SHOX: variants seen among roughly 807,000 people sequenced by gnomAD.
SHOX encodes the protein SHOX homeobox, also known as short stature homeobox protein.
Under a neutral mutation model 29.6 loss-of-function variants are expected in SHOX, and 12 were observed. That is an observed-to-expected ratio of 0.41 (90% CI 0.26 to 0.66). The LOEUF is 0.66. SHOX is among the 30% of genes least tolerant of loss of function. The probability of loss-of-function intolerance (pLI) is 0.35; values close to 1 mark genes in which losing one functional copy is unlikely to be tolerated. For synonymous variants in SHOX, 214 were observed against 200.6 expected (o/e 1.07, Z -0.57); for missense variants, 499 against 437.7 (o/e 1.14, Z -1.25).
rs1181342780 is a variant in SHOX at position 651,178 on chromosome X, C to T, written c.*6542C>T. ...TATGTCGAGTGTAAATTTGACATCGCGTTGCATTTATTTTTATATTTCTGA... is the reference window on the plus strand; with the variant it reads ...TATGTCGAGTGTAAATTTGACATCGTGTTGCATTTATTTTTATATTTCTGA... On this transcript the variant is annotated 3_prime_UTR_variant, in exon 5 of 5. Coordinates refer to ENST00000686671, the MANE Select transcript of SHOX (RefSeq NM_000451.4). 13 of 413,032 alleles carry T rather than the reference C, an allele frequency of 3.1e-5. 1 individual carries two copies. The highest frequency in any genetic ancestry group is 4.4e-5 in the Non-Finnish European group (9 of 205,680). 25.6% of individuals were successfully genotyped at this position (413,032 alleles called of 1,614,324 possible).
Position 636,880 on chromosome X carries a change from T to C in SHOX, c.486+2054T>C, listed in dbSNP as rs2052768592. Among the ~76,000 whole-genome samples, 3 of 145,810 alleles carry C rather than the reference T, an allele frequency of 2.1e-5. No homozygotes were observed. The South Asian group carries it at 6.4e-4, about 31-fold the overall frequency. ...CATTCAAACACAACTTTTCCATCGA[T>C]GTTGCTTAGGAGATGAGGATACAGA... On this transcript the variant is annotated intron_variant, in intron 2 of 4. Transcript: ENST00000686671.
At position 647,158 on chromosome X, in the gene SHOX, C is replaced by T. The variant is rs943334963; in HGVS notation, c.*2522C>T. ...GTGGCACAATCTCGGCTCACCGCAA[C>T]CTCCGCCTCCCGGGTTCAAGCCATT... On this transcript the variant is annotated 3_prime_UTR_variant, in exon 5 of 5. Coordinates refer to ENST00000686671, the MANE Select transcript of SHOX (RefSeq NM_000451.4). Among the ~76,000 whole-genome samples the T allele has an allele frequency of 3.3e-5, 5 of 152,230 alleles. No homozygotes were observed. Among genetic ancestry groups the T allele is most frequent in the Non-Finnish European group, 7.3e-5 (5 of 68,044 alleles).
intron 2 of SHOX, 25 bp downstream of exon 2, chrX:634,851 G>A (rs1423466667): frequency 9.0e-6 from 14 of 1,546,972 alleles, no homozygotes; most frequent in Middle Eastern, 4.2e-4. Flanking sequence ...GCGGGGGCGG[G>A]GGGCCCGGAG....
At chrX:632,576 G>T (rs182018403) in intron 1 of SHOX, among the ~76,000 whole-genome samples, 273 of 152,174 alleles carry the variant, frequency 1.8e-3, no homozygotes, top group Non-Finnish European at 3.4e-3. Flanking sequence ...CCCTGCATTT[G>T]GGGTGTGGAG....
downstream of SHOX, among the ~76,000 whole-genome samples, chrX:654,667 C>T (rs1247658379): frequency 6.6e-6 from 1 of 152,058 alleles, no homozygotes; most frequent in Non-Finnish European, 1.5e-5. Flanking sequence ...ATTCAGCAGG[C>T]AAGAGGATAC....
chrX:639,894 G>A lies in SHOX; in HGVS notation c.487-927G>A, dbSNP rs143158951. ...TGAGCACCTGTAATTCCAGCTACTC[G>A]GGAGGCTGAGGCAGGAGAATCGCTT... is the stretch of plus-strand genomic sequence containing the variant. On this transcript the variant is annotated intron_variant, in intron 2 of 4. Transcript: ENST00000686671. Among the ~76,000 whole-genome samples the A allele has an allele frequency of 4.6e-3, 701 of 151,802 alleles. 4 individuals carry two copies. The highest frequency in any genetic ancestry group is 0.016 in the African/African-American group (649 of 41,416).
At chrX:633,776 G>C (rs1487937725) in intron 1 of SHOX, among the ~76,000 whole-genome samples, 37 of 152,078 alleles carry the variant, frequency 2.4e-4, no homozygotes, top group Admixed American at 2.4e-3. Flanking sequence ...CACCAGCCCT[G>C]GGTTGAAGGG....
upstream of SHOX, among the ~76,000 whole-genome samples, chrX:626,115 G>GTC (rs1337762818): frequency 1.6e-3 from 21 of 13,268 alleles, 1 homozygote; most frequent in African/African-American, 0.014. Flanking sequence ...GTCTATCTCT[G>GTC]TCTCTCTCTC....
chrX:624,487 C>T (rs907209176), exon 1 of SHOX: 2 of 151,888 alleles, frequency 1.3e-5, no homozygotes, highest in Non-Finnish European at 2.9e-5. Flanking sequence ...GGATCAGACG[C>T]CCAGGACGCA....
chrX:640,298 T>C (rs142129249), intron 2 of SHOX, among the ~76,000 whole-genome samples: 2,119 of 151,622 alleles, frequency 0.014, 50 homozygotes, highest in African/African-American at 0.049. Flanking sequence ...GGAGGCGAGA[T>C]AGTGCCACTG....
chrX:629,205 C>T (rs1157878796), upstream of SHOX, among the ~76,000 whole-genome samples: 21 of 151,670 alleles, frequency 1.4e-4, no homozygotes, highest in African/African-American at 5.1e-4. Flanking sequence ...CTCTCCCTCT[C>T]TCTCCCTGTC....
chrX:624,904 C>CTTTCTTTCTTTCTTTCTTTCTT (rs2052485772), intron 1 of SHOX, among the ~76,000 whole-genome samples: 2 of 94,850 alleles, frequency 2.1e-5, no homozygotes, highest in Non-Finnish European at 4.3e-5. Context: ...CTTTCTTTCT[C>CTTTCTTTCTTTCTTTCTTTCTT]TCTTCCTTTC....
upstream of SHOX, among the ~76,000 whole-genome samples, chrX:626,475 G>T (rs1349494838): frequency 2.3e-5 from 3 of 131,166 alleles, no homozygotes; most frequent in South Asian, 2.5e-4. Flanking sequence ...GTCTATCTCT[G>T]TCTCTCTTTC....
At chrX:624,406 G>C (rs1218294544) in exon 1 of SHOX, 2 of 145,476 alleles carry the variant, frequency 1.4e-5, no homozygotes, top group Admixed American at 6.8e-5. Flanking sequence ...TTTTGGTTTT[G>C]TTTTATTTCG....
chrX:625,588 C>G (rs1478975404), intron 1 of SHOX, among the ~76,000 whole-genome samples: 2 of 151,310 alleles, frequency 1.3e-5, no homozygotes, highest in South Asian at 2.1e-4. Context: ...CTCTGTCTCT[C>G]TTTCTCTCTC....
intron 4 of SHOX, among the ~76,000 whole-genome samples, chrX:643,691 G>C (rs941049801): frequency 8.2e-6 from 1 of 121,336 alleles, no homozygotes; most frequent in Non-Finnish European, 1.7e-5. Context: ...TGGGGACCTG[G>C]TGACCCGGGA....
chrX:638,652 C>T (rs1030357802), intron 2 of SHOX, among the ~76,000 whole-genome samples: 8 of 152,192 alleles, frequency 5.3e-5, no homozygotes, highest in African/African-American at 1.9e-4. Context: ...CTGGAAGCTT[C>T]CGTGTTGGGT....
upstream of SHOX, among the ~76,000 whole-genome samples, chrX:627,317 C>T (rs2052555853): frequency 6.6e-6 from 1 of 152,166 alleles, no homozygotes; most frequent in Non-Finnish European, 1.5e-5. Context: ...GTCTGGATTT[C>T]TAACATGTTA....
At chrX:635,907 G>A (rs2052738851) in intron 2 of SHOX, among the ~76,000 whole-genome samples, 2 of 151,560 alleles carry the variant, frequency 1.3e-5, no homozygotes, top group Admixed American at 6.6e-5. Flanking sequence ...CCCGGACCCT[G>A]GGGACCCCGT....
Sources: gnomAD v4.1 joint callset for allele counts (sites outside exome capture counted in the v4.1 genomes callset) on GRCh38, gnomAD v4.1.1 for gene constraint, MANE v1.5 for transcripts, NCBI Gene and HGNC (gene_info 2026-07-23, HGNC 2026-07-21) for gene names.